Variants in RAB12 observed in about 807,000 individuals in gnomAD.
RAB12 encodes RAB12, member RAS oncogene family.
A neutral mutation model predicts 28.4 loss-of-function variants in RAB12; 11 were observed. The ratio of observed to expected loss-of-function variants is 0.39; its 90% CI spans 0.24 to 0.64. The LOEUF (loss-of-function observed/expected upper bound fraction) is 0.64. Among genes scored for constraint, RAB12 ranks in the 30% least tolerant of loss-of-function variants. The pLI is 0.50. For missense variants in RAB12, 276 were observed against 351.1 expected, an observed-to-expected ratio of 0.79 and a Z score of 1.71; for synonymous variants, 138 against 145.3, an observed-to-expected ratio of 0.95 and a Z score of 0.36.
intron 5 of RAB12, among the ~76,000 whole-genome samples, chr18:8,637,507 C>CT (rs2096019615): frequency 6.6e-6 from 1 of 151,964 alleles, no homozygotes; most frequent in Non-Finnish European, 1.5e-5. Flanking sequence ...TTGAACATGG[C>CT]TTTTTTTGGC....
chr18:8,621,643 G>T (rs1446528857), intron 1 of RAB12, among the ~76,000 whole-genome samples: 1 of 151,998 alleles, frequency 6.6e-6, no homozygotes, highest in Non-Finnish European at 1.5e-5. Context: ...TTAGGGTCAG[G>T]GGGTACATGT....
chr18:8,625,743 C>T (rs1319002914), intron 2 of RAB12, among the ~76,000 whole-genome samples: 1 of 152,180 alleles, frequency 6.6e-6, no homozygotes, highest in South Asian at 2.1e-4. Flanking sequence ...CTGAGAATGC[C>T]GTTTTGTTTT....
At chr18:8,614,734 C>CA (rs2096005827) in intron 1 of RAB12, among the ~76,000 whole-genome samples, 1 of 152,062 alleles carries the variant, frequency 6.6e-6, no homozygotes, top group Non-Finnish European at 1.5e-5. Context: ...TACAGGCACT[C>CA]ACCACCACGC....
chr18:8,619,765 G>A (rs1488244080), intron 1 of RAB12, among the ~76,000 whole-genome samples: 1 of 152,084 alleles, frequency 6.6e-6, no homozygotes, highest in African/African-American at 2.4e-5. Context: ...CCCGTCACTG[G>A]GCTGCTGTGA....
intron 5 of RAB12, among the ~76,000 whole-genome samples, chr18:8,636,585 TC>T (rs1437440291): frequency 6.6e-6 from 1 of 152,210 alleles, no homozygotes; most frequent in Non-Finnish European, 1.5e-5. Flanking sequence ...CATACTTGCT[TC>T]GCCTTAAGAT....
chr18:8,612,223 G>A (rs1007545378), intron 1 of RAB12, among the ~76,000 whole-genome samples: 1 of 152,234 alleles, frequency 6.6e-6, no homozygotes, highest in Non-Finnish European at 1.5e-5. Context: ...CAGTGAAAGC[G>A]CCTCCAGTCG....
At chr18:8,635,428 T>C (rs1204233510) in intron 3 of RAB12, 105 bp from the exon 4 acceptor site, 6 of 831,486 alleles carry the variant, frequency 7.2e-6, no homozygotes, top group African/African-American at 1.7e-5. Flanking sequence ...TGGAAGTGAA[T>C]GGACAAATGT....
intron 1 of RAB12, among the ~76,000 whole-genome samples, chr18:8,615,729 A>G: frequency 6.6e-6 from 1 of 152,262 alleles, no homozygotes; most frequent in Admixed American, 6.5e-5. Context: ...TGTGGACTGA[A>G]GTAGCTATCT....
chr18:8,616,373 G>A (rs1355637370), intron 1 of RAB12, among the ~76,000 whole-genome samples: 1 of 139,744 alleles, frequency 7.2e-6, no homozygotes, highest in African/African-American at 2.6e-5. Flanking sequence ...AATTGAGTGT[G>A]ATTGTTAAAA....
intron 1 of RAB12, among the ~76,000 whole-genome samples, chr18:8,615,850 T>G (rs551010814): frequency 6.6e-6 from 1 of 152,254 alleles, no homozygotes; most frequent in African/African-American, 2.4e-5. Context: ...GCACTTACAA[T>G]AAAAAAGAAA....
At chr18:8,629,447 AGTTTCT>A (rs2096014677) in intron 2 of RAB12, among the ~76,000 whole-genome samples, 1 of 152,110 alleles carries the variant, frequency 6.6e-6, no homozygotes, top group African/African-American at 2.4e-5. Context: ...CAAAAGATGA[AGTTTCT>A]TTGCCTTGCC....
chr18:8,622,844 A>G (rs1023815967), intron 1 of RAB12, among the ~76,000 whole-genome samples: 1 of 152,164 alleles, frequency 6.6e-6, no homozygotes, highest in Non-Finnish European at 1.5e-5. Flanking sequence ...ACCTACCCCC[A>G]GGCGAGTATT....
At chr18:8,637,711 G>C (rs376860447) in intron 5 of RAB12, among the ~76,000 whole-genome samples, 2 of 152,124 alleles carry the variant, frequency 1.3e-5, no homozygotes, top group Admixed American at 6.5e-5. Context: ...ACGACTAAAA[G>C]CCTATCACTG....
intron 1 of RAB12, among the ~76,000 whole-genome samples, chr18:8,611,886 T>TA (rs2096004030): frequency 6.6e-6 from 1 of 152,228 alleles, no homozygotes; most frequent in African/African-American, 2.4e-5. Context: ...CTATAATACT[T>TA]AGAGTACTGG....
intron 3 of RAB12, 160 bp from the exon 4 acceptor site, chr18:8,635,373 C>A: frequency 1.7e-6 from 1 of 580,186 alleles, no homozygotes; most frequent in Non-Finnish European, 3.0e-6. Context: ...CTGCCTTGCA[C>A]TGCTGCCCAG....
chr18:8,622,267 T>C (rs113117333), intron 1 of RAB12, among the ~76,000 whole-genome samples: 1 of 152,364 alleles, frequency 6.6e-6, no homozygotes, highest in African/African-American at 2.4e-5. Context: ...TTTTAAAAAC[T>C]AACTTACTTG....
Position 8,633,306 on chromosome 18 carries a change from A to G in RAB12, c.693A>G (p.Lys231=). The part of the protein sequence containing the change: ...TKKETFDDLP[K]WMKMIDKYAS... ...AGGAGACATTTGATGATTTGCCGAA[A>G]TGGATGAAGATGATTGATAAGGTAA... Residue 231 remains lysine (K), a synonymous_variant, in exon 3 of 6, where the codon AAA becomes AAG. Coordinates refer to ENST00000649141, the MANE Select transcript of RAB12 (RefSeq NM_001025300.3). 6.2e-7 allele frequency: 1 copy of G among 1,614,088 alleles called. No individual in the cohort carries two copies. The highest frequency in any genetic ancestry group is 8.5e-7 in the Non-Finnish European group (1 of 1,180,010).
At chr18:8,631,454 G>A (rs1185872158) in intron 2 of RAB12, among the ~76,000 whole-genome samples, 4 of 152,176 alleles carry the variant, frequency 2.6e-5, no homozygotes, top group African/African-American at 9.7e-5. Flanking sequence ...AATAGTGCCC[G>A]GGTGCCATGA....
intron 2 of RAB12, among the ~76,000 whole-genome samples, chr18:8,631,218 A>G (rs949935197): frequency 3.4e-4 from 52 of 152,222 alleles, no homozygotes; most frequent in African/African-American, 1.2e-3. Flanking sequence ...AGCATTTTTC[A>G]TAAGTGTGGG....
Sources: gnomAD v4.1 joint callset for allele counts (sites outside exome capture counted in the v4.1 genomes callset) on GRCh38, gnomAD v4.1.1 for gene constraint, MANE v1.5 for transcripts, NCBI Gene and HGNC (gene_info 2026-07-23, HGNC 2026-07-21) for gene names.